The following MARCHF4 variants were observed in gnomAD, a reference collection of about 807,000 sequenced individuals.
The protein encoded by MARCHF4 is E3 ubiquitin-protein ligase MARCHF4.
MARCHF4 carries 14 observed loss-of-function variants against 43.9 expected under a neutral mutation model. That is an observed-to-expected ratio of 0.32 (90% CI 0.21 to 0.50). The LOEUF is 0.50. MARCHF4 is among the 20% of genes least tolerant of loss of function. MARCHF4 has a pLI of 0.98. For synonymous variants in MARCHF4, 226 were observed against 213.3 expected, an observed-to-expected ratio of 1.06 and a Z score of -0.52; for missense variants, 468 against 536.7, an observed-to-expected ratio of 0.87 and a Z score of 1.27.
chr2:216,370,507 C>A lies in MARCHF4; in HGVS notation c.-247G>T, dbSNP rs1033791173. The A allele has an allele frequency of 4.8e-6, 2 of 420,926 alleles. No individual in the cohort carries two copies. The highest frequency in any genetic ancestry group is 4.0e-5 in the African/African-American group (2 of 49,470). The allele number at this position is 420,926 out of a possible 1,614,324, so 26.1% of individuals were successfully genotyped here. A position where few individuals can be genotyped will look rare whatever the true frequency, so the allele number is the denominator to read the frequency against. On this transcript the variant is annotated 5_prime_UTR_variant, in exon 1 of 4. Transcript: ENST00000273067. The stretch of plus-strand genomic sequence containing the variant: ...AGTTTTTCTTGCCCTCACACACCCA[C>A]CCCAACCTCCAACTTTGTTCAGTGT...
chr2:216,356,149 G>A (rs6708282), intron 1 of MARCHF4, among the ~76,000 whole-genome samples: 13,777 of 152,216 alleles, frequency 0.091, 777 homozygotes, highest in South Asian at 0.24. Context: ...CTTTTTTGGC[G>A]GTGTCAGGTT....
chr2:216,328,794 T>C (rs970603853), intron 1 of MARCHF4, among the ~76,000 whole-genome samples: 2 of 152,118 alleles, frequency 1.3e-5, no homozygotes, highest in African/African-American at 2.4e-5. Flanking sequence ...TCCCAGCACT[T>C]TGGGAGGCTG....
intron 1 of MARCHF4, among the ~76,000 whole-genome samples, chr2:216,302,217 CA>C (rs201520325): frequency 0.01 from 1,526 of 151,458 alleles, 23 homozygotes; most frequent in African/African-American, 0.035. Context: ...TATTTATTTT[CA>C]AAAAAAAATT....
At chr2:216,270,325 C>T (rs934574340) in intron 3 of MARCHF4, among the ~76,000 whole-genome samples, 1 of 152,112 alleles carries the variant, frequency 6.6e-6, no homozygotes, top group Non-Finnish European at 1.5e-5. Context: ...ATCCTCCTGC[C>T]TTAGCCTCCC....
At chr2:216,318,872 A>G (rs1399951616) in intron 1 of MARCHF4, among the ~76,000 whole-genome samples, 2 of 152,224 alleles carry the variant, frequency 1.3e-5, no homozygotes, top group East Asian at 1.9e-4. Context: ...TTAAAGACAC[A>G]GATTTCAGAA....
At chr2:216,285,737 G>A (rs1691208661) in intron 1 of MARCHF4, among the ~76,000 whole-genome samples, 1 of 152,204 alleles carries the variant, frequency 6.6e-6, no homozygotes, top group African/African-American at 2.4e-5. Context: ...AAAGGAAACA[G>A]GAGGGGATGA....
chr2:216,272,857 A>C (rs1690961679), intron 3 of MARCHF4, among the ~76,000 whole-genome samples: 1 of 152,258 alleles, frequency 6.6e-6, no homozygotes, highest in South Asian at 2.1e-4. Flanking sequence ...GGTATAACCA[A>C]GTCTAAAGAC....
intron 1 of MARCHF4, among the ~76,000 whole-genome samples, chr2:216,329,953 G>A (rs1026249761): frequency 7.9e-5 from 12 of 151,906 alleles, no homozygotes; most frequent in African/African-American, 2.9e-4. Flanking sequence ...GTGTGGTGAT[G>A]CACACCTGTC....
chr2:216,265,522 G>A (rs776664652), intron 3 of MARCHF4: 1 of 151,632 alleles, frequency 6.6e-6, no homozygotes, highest in Non-Finnish European at 1.5e-5. Flanking sequence ...TTTTGACAGG[G>A]TCTCTCTCTG....
At chr2:216,261,068 G>A (rs1018301498) in intron 3 of MARCHF4, among the ~76,000 whole-genome samples, 2 of 152,198 alleles carry the variant, frequency 1.3e-5, no homozygotes, top group Non-Finnish European at 2.9e-5. Context: ...GAGGGCACCA[G>A]AGGCGGGCTA....
Position 216,279,596 on chromosome 2 carries a change from G to A in MARCHF4, c.673-1732C>T, listed in dbSNP as rs567054040. Among the ~76,000 whole-genome samples the A allele has an allele frequency of 4.6e-5, 7 of 152,334 alleles. No individual in the cohort carries two copies. The East Asian group carries it at 5.8e-4, about 13-fold the overall frequency. The stretch of plus-strand genomic sequence containing the variant: ...TTTCCCTCTGCCAACAGGGAGACCC[G>A]GATGGAAGCATTTGATTCATTCTGG... On this transcript the variant is annotated intron_variant, in intron 2 of 3. Transcript: ENST00000273067.
At chr2:216,298,396 G>A (rs889002575) in intron 1 of MARCHF4, among the ~76,000 whole-genome samples, 2 of 151,302 alleles carry the variant, frequency 1.3e-5, no homozygotes, top group African/African-American at 4.9e-5. Flanking sequence ...CTCCTGGGTA[G>A]CTGGGACTAC....
In MARCHF4 at chr2:216,283,543, A is replaced by G. The variant is rs763145541; in HGVS notation, c.672+31T>C. On this transcript the variant is annotated intron_variant, in intron 2 of 3. Transcript: ENST00000273067. ...CAGGTGGTGTGGAAGCCCCAGGCCC[A>G]GCAACCCCACCAGGCAGCCCTGGGT... is the stretch of plus-strand genomic sequence containing the variant. The G allele has an allele frequency of 3.8e-6, 6 of 1,562,262 alleles. No individual in the cohort carries two copies. In the East Asian group the frequency reaches 6.8e-5, roughly 18 times the overall value.
At chr2:216,336,741 T>TAAAAAAA (rs779932039) in intron 1 of MARCHF4, among the ~76,000 whole-genome samples, 2 of 54,116 alleles carry the variant, frequency 3.7e-5, no homozygotes, top group South Asian at 5.5e-4. Flanking sequence ...GCAAATAGAT[T>TAAAAAAA]TAAAAAAAAA....
chr2:216,321,948 A>G (rs1234289484), intron 1 of MARCHF4, among the ~76,000 whole-genome samples: 2 of 152,060 alleles, frequency 1.3e-5, no homozygotes, highest in Non-Finnish European at 2.9e-5. Context: ...CAAACCAGCT[A>G]CTCTTCTCCA....
Position 216,326,287 on chromosome 2 carries a change from C to T in MARCHF4, c.517-42558G>A, listed in dbSNP as rs537884242. On this transcript the variant is annotated intron_variant, in intron 1 of 3. Coordinates refer to ENST00000273067, the MANE Select transcript of MARCHF4 (RefSeq NM_020814.3). ...TACCATCTCACACCAGTTAGAATGG[C>T]GATCATTAAAAAGTCAGGAAACAAC... Among the ~76,000 whole-genome samples, 658 of 151,348 alleles carry T rather than the reference C, an allele frequency of 4.3e-3. 3 individuals carry two copies. Among genetic ancestry groups the T allele is most frequent in the African/African-American group, 0.015 (616 of 41,266 alleles).
chr2:216,341,696 C>T (rs1301273484), intron 1 of MARCHF4, among the ~76,000 whole-genome samples: 3 of 152,206 alleles, frequency 2.0e-5, no homozygotes, highest in African/African-American at 7.2e-5. Context: ...GGGAATCTTA[C>T]TCTAAATCTT....
intron 1 of MARCHF4, among the ~76,000 whole-genome samples, chr2:216,341,596 A>G (rs1259828002): frequency 6.6e-6 from 1 of 152,244 alleles, no homozygotes; most frequent in Non-Finnish European, 1.5e-5. Context: ...AAGTCCTAGT[A>G]GGCTTAGTAC....
At chr2:216,303,108 A>C (rs760315698) in intron 1 of MARCHF4, among the ~76,000 whole-genome samples, 2 of 152,142 alleles carry the variant, frequency 1.3e-5, no homozygotes, top group African/African-American at 4.8e-5. Context: ...TAGGAATGAA[A>C]ATAGGGAAGA....
Sources: allele counts gnomAD v4.1 joint callset (sites outside exome capture counted in the v4.1 genomes callset), GRCh38; gene constraint gnomAD v4.1.1; transcripts MANE v1.5; gene names NCBI Gene and HGNC (gene_info 2026-07-23, HGNC 2026-07-21).